PEPD: variants seen among roughly 807,000 people sequenced by gnomAD.
PEPD encodes the protein peptidase D, also known as xaa-Pro dipeptidase.
PEPD carries 53 observed loss-of-function variants against 60.7 expected under a neutral mutation model. That is an observed-to-expected ratio of 0.87 (90% CI 0.70 to 1.10). The LOEUF (loss-of-function observed/expected upper bound fraction) is 1.10, where lower values mean the gene tolerates loss of function less well. Among genes scored for constraint, PEPD ranks in the 50% least tolerant of loss-of-function variants. The probability of loss-of-function intolerance (pLI) is 0.00; values close to 1 mark genes in which losing one functional copy is unlikely to be tolerated. For synonymous variants in PEPD, 267 were observed against 284.1 expected (o/e 0.94, Z 0.60); for missense variants, 711 against 711.9 (o/e 1.00, Z 0.01).
At chr19:33,479,442 A>G (rs926869137) in intron 6 of PEPD, among the ~76,000 whole-genome samples, 1 of 151,774 alleles carries the variant, frequency 6.6e-6, no homozygotes, top group Non-Finnish European at 1.5e-5. Flanking sequence ...TCAGGGGTAC[A>G]TGTGCAGGTT....
chr19:33,489,420 C>T (rs950598233), intron 6 of PEPD, among the ~76,000 whole-genome samples: 10 of 152,016 alleles, frequency 6.6e-5, no homozygotes, highest in Admixed American at 1.3e-4. Flanking sequence ...CCTGAGGTCA[C>T]GAGTTCGAGA....
chr19:33,404,978 G>A (rs372863968), intron 11 of PEPD, among the ~76,000 whole-genome samples: 4 of 152,334 alleles, frequency 2.6e-5, no homozygotes, highest in East Asian at 1.9e-4. Context: ...TGGAGAATTC[G>A]GTCATACGTT....
In PEPD at chr19:33,404,106, G is replaced by A. The variant is rs145410231; in HGVS notation, c.819-2237C>T. On this transcript the variant is annotated intron_variant, in intron 11 of 14. Transcript: ENST00000244137. ...AGCAATGGGTTCTTAGGTCCTGGCG[G>A]CAGTGCTCAACCTTCACGGCCTCAG... Among the ~76,000 whole-genome samples, 543 of 152,354 alleles carry A rather than the reference G, an allele frequency of 3.6e-3. 2 individuals carry two copies. The highest frequency in any genetic ancestry group is 0.012 in the African/African-American group (515 of 41,588).
Position 33,393,214 on chromosome 19 carries a change from C to T in PEPD, c.968-1735G>A, listed in dbSNP as rs1391388625. 9.9e-5 allele frequency among the ~76,000 whole-genome samples: 13 copies of T among 131,290 alleles called. No individual in the cohort carries two copies. The South Asian group carries it at 2.3e-3, about 23-fold the overall frequency. 86.1% of individuals were successfully genotyped at this position (131,290 alleles called of 152,430 possible). A position where few individuals can be genotyped will look rare whatever the true frequency, so the allele number is the denominator to read the frequency against. Reference sequence around the variant, plus strand: ...GGCCGTCCCGGGGTCTGGGGTCTGGCGTCGGGGAGGCCGTCCCGGGGTCTG... The same window carrying T: ...GGCCGTCCCGGGGTCTGGGGTCTGGTGTCGGGGAGGCCGTCCCGGGGTCTG... On this transcript the variant is annotated intron_variant, in intron 12 of 14. Transcript: ENST00000244137.
chr19:33,406,309 A>C (rs1485883458), intron 11 of PEPD, among the ~76,000 whole-genome samples: 2 of 152,244 alleles, frequency 1.3e-5, no homozygotes, highest in Admixed American at 1.3e-4. Context: ...AGCACAAACA[A>C]GAGACAAACC....
chr19:33,478,013 C>T, intron 7 of PEPD, 33 bp downstream of exon 7: 1 of 1,546,470 alleles, frequency 6.5e-7, no homozygotes, highest in Non-Finnish European at 8.9e-7. Context: ...CCGAGCACAA[C>T]AAACAGGCAA....
intron 9 of PEPD, among the ~76,000 whole-genome samples, chr19:33,419,971 C>T (rs144828315): frequency 6.6e-6 from 1 of 152,244 alleles, no homozygotes; most frequent in South Asian, 2.1e-4. Flanking sequence ...ACACAACAGA[C>T]AGGAGCAGCT....
At chr19:33,422,777 C>A (rs1600103152) in intron 9 of PEPD, among the ~76,000 whole-genome samples, 1 of 142,804 alleles carries the variant, frequency 7.0e-6, no homozygotes, top group Non-Finnish European at 1.5e-5. Flanking sequence ...ATCATTGATC[C>A]ATCCCTCCCT....
chr19:33,441,076 C>T (rs1023645964), intron 9 of PEPD, among the ~76,000 whole-genome samples: 21 of 152,172 alleles, frequency 1.4e-4, no homozygotes, highest in Non-Finnish European at 3.1e-4. Flanking sequence ...CTGAAATGGA[C>T]AACCCTACAG....
At chr19:33,444,132 T>C (rs1262258895) in intron 9 of PEPD, among the ~76,000 whole-genome samples, 1 of 152,026 alleles carries the variant, frequency 6.6e-6, no homozygotes, top group Non-Finnish European at 1.5e-5. Flanking sequence ...GTAATGCATG[T>C]ACATATCACA....
At chr19:33,406,150 C>T (rs534605417) in intron 11 of PEPD, among the ~76,000 whole-genome samples, 2 of 152,242 alleles carry the variant, frequency 1.3e-5, no homozygotes, top group Non-Finnish European at 2.9e-5. Flanking sequence ...CCTTGGCAGG[C>T]GGGAGGGAGA....
At chr19:33,409,696 T>C (rs531809723) in intron 11 of PEPD, among the ~76,000 whole-genome samples, 1 of 152,092 alleles carries the variant, frequency 6.6e-6, no homozygotes, top group South Asian at 2.1e-4. Flanking sequence ...GGACACCAGG[T>C]GGTGTCTGGA....
At chr19:33,439,915 C>T (rs1234233650) in intron 9 of PEPD, among the ~76,000 whole-genome samples, 1 of 152,118 alleles carries the variant, frequency 6.6e-6, no homozygotes, top group Non-Finnish European at 1.5e-5. Context: ...ATGGGGTCTT[C>T]CTGTGTTGCC....
chr19:33,445,292 G>A (rs757953344), intron 9 of PEPD, among the ~76,000 whole-genome samples: 15 of 152,184 alleles, frequency 9.9e-5, no homozygotes, highest in African/African-American at 1.9e-4. Flanking sequence ...ACCAGGCCTC[G>A]TTTCTCCAGA....
Position 33,413,627 on chromosome 19 carries a change from A to G in PEPD, c.688T>C (p.Cys230Arg). 6.3e-7 allele frequency: 1 copy of G among 1,588,474 alleles called. No individual in the cohort carries two copies. Among genetic ancestry groups the G allele is most frequent in the Non-Finnish European group, 8.6e-7 (1 of 1,166,692 alleles). ...YELESLFEHY[C>R]YSRGGMRHSS... is the part of the protein sequence containing the mutation. The stretch of plus-strand genomic sequence containing the variant: ...TGGCGCATGCCGCCCCGGGAGTAGC[A>G]GTAGTGCTCGAAGAGGCTGCAGGGG... The change falls in exon 10 of 15, where the codon TGC becomes CGC. Residue 230 changes from cysteine to arginine, a missense_variant. Physicochemically the swap from Cys to Arg is radical, Grantham distance 180 (BLOSUM62 -3). Coordinates refer to ENST00000244137, the MANE Select transcript of PEPD (RefSeq NM_000285.4).
chr19:33,445,536 GCAT>G (rs1430118440), intron 9 of PEPD, among the ~76,000 whole-genome samples: 1 of 152,192 alleles, frequency 6.6e-6, no homozygotes, highest in Non-Finnish European at 1.5e-5. Flanking sequence ...AGGAAAGGCC[GCAT>G]GAGGACATGG....
intron 12 of PEPD, chr19:33,395,012 GGTTCTCA>G (rs1962706614): frequency 6.6e-6 from 1 of 152,284 alleles, no homozygotes; most frequent in South Asian, 2.1e-4. Context: ...ACGAAGCCCA[GGTTCTCA>G]GCTTGGCCTG....
chr19:33,422,927 C>T (rs906026961), intron 9 of PEPD, among the ~76,000 whole-genome samples: 5 of 151,778 alleles, frequency 3.3e-5, no homozygotes, highest in Admixed American at 2.0e-4. Context: ...ACCTACGTAT[C>T]ATCTATCCAT....
In PEPD at chr19:33,400,870, G is replaced by A. The variant is rs940501730; in HGVS notation, c.967+851C>T. On this transcript the variant is annotated intron_variant, in intron 12 of 14. Transcript: ENST00000244137. ...TGGGTGCTAGACTCCACCCCTGCCA[G>A]GGCTATGGAGGACCCAGGGGTCACT... is the stretch of plus-strand genomic sequence containing the variant. Among the ~76,000 whole-genome samples the A allele has an allele frequency of 6.6e-5, 10 of 152,230 alleles. No individual in the cohort carries two copies. In the South Asian group the frequency reaches 1.7e-3, roughly 25 times the overall value.
Sources: gnomAD v4.1 joint callset for allele counts (sites outside exome capture counted in the v4.1 genomes callset) on GRCh38, gnomAD v4.1.1 for gene constraint, MANE v1.5 for transcripts, NCBI Gene and HGNC (gene_info 2026-07-23, HGNC 2026-07-21) for gene names.